RBFOX1: variants seen among roughly 807,000 people sequenced by gnomAD.
The protein encoded by RBFOX1 is RNA binding protein fox-1 homolog 1.
RBFOX1 carries 8 observed loss-of-function variants against 57.7 expected under a neutral mutation model. The ratio of observed to expected loss-of-function variants is 0.14; its 90% CI spans 0.08 to 0.25. RBFOX1 has a LOEUF of 0.25. Among genes scored for constraint, RBFOX1 ranks in the 10% least tolerant of loss-of-function variants. The pLI is 1.00. For synonymous variants in RBFOX1, 326 were observed against 222.4 expected (o/e 1.47, Z -4.15); for missense variants, 611 against 548.5 (o/e 1.11, Z -1.14).
intron 7 of RBFOX1, among the ~76,000 whole-genome samples, chr16:7,592,149 C>A (rs1390237746): frequency 6.6e-6 from 1 of 152,030 alleles, no homozygotes; most frequent in East Asian, 1.9e-4. Context: ...CGAACTTTGT[C>A]AAATCTCAAC....
chr16:6,637,164 A>G (rs1388566377), intron 2 of RBFOX1, among the ~76,000 whole-genome samples: 2 of 84,198 alleles, frequency 2.4e-5, no homozygotes, highest in African/African-American at 5.3e-5. Context: ...TATATATTAT[A>G]TATTATATAT....
intron 11 of RBFOX1, among the ~76,000 whole-genome samples, chr16:7,651,011 T>C (rs988911299): frequency 6.6e-6 from 1 of 152,182 alleles, no homozygotes; most frequent in Non-Finnish European, 1.5e-5. Context: ...GAAACTCAGG[T>C]GCTAGGAGCT....
chr16:7,554,995 G>A (rs2087864457), intron 5 of RBFOX1, among the ~76,000 whole-genome samples: 1 of 152,150 alleles, frequency 6.6e-6, no homozygotes, highest in Non-Finnish European at 1.5e-5. Context: ...TAGCATTTAG[G>A]TAGTATTGCA....
chr16:7,285,674 C>T (rs969678983), intron 4 of RBFOX1, among the ~76,000 whole-genome samples: 2 of 152,030 alleles, frequency 1.3e-5, no homozygotes, highest in Non-Finnish European at 2.9e-5. Context: ...CAACGTAATT[C>T]CCTGGAGACT....
At chr16:6,067,999 G>A (rs377011155) in intron 1 of RBFOX1, among the ~76,000 whole-genome samples, 2 of 152,164 alleles carry the variant, frequency 1.3e-5, no homozygotes, top group African/African-American at 4.8e-5. Context: ...GGAAAACACA[G>A]TCTTTCTATC....
intron 1 of RBFOX1, among the ~76,000 whole-genome samples, chr16:6,242,467 A>G (rs62015135): frequency 0.12 from 18,370 of 151,704 alleles, 1,210 homozygotes; most frequent in Middle Eastern, 0.25. Flanking sequence ...GGCCATAAAT[A>G]ATCCTCCCAC....
At chr16:5,473,937 T>C (rs2069229388) in intron 2 of RBFOX1, among the ~76,000 whole-genome samples, 1 of 93,142 alleles carries the variant, frequency 1.1e-5, no homozygotes, top group Admixed American at 1.5e-4. Flanking sequence ...GGTAGGTAGA[T>C]GGATGGATGG....
At chr16:6,603,803 C>T (rs541736347) in intron 2 of RBFOX1, among the ~76,000 whole-genome samples, 24 of 152,128 alleles carry the variant, frequency 1.6e-4, no homozygotes, top group Non-Finnish European at 3.5e-4. Context: ...TTTTATTTCT[C>T]GTCCTGCTGT....
At chr16:7,101,117 A>C (rs987789756) in intron 4 of RBFOX1, among the ~76,000 whole-genome samples, 8 of 152,180 alleles carry the variant, frequency 5.3e-5, no homozygotes, top group Non-Finnish European at 1.0e-4. Flanking sequence ...TGGTACTTTT[A>C]AGGCACTAAA....
intron 1 of RBFOX1, among the ~76,000 whole-genome samples, chr16:5,248,987 C>CAAAAAAAAAAAAAAAAA (rs56146545): frequency 1.6e-5 from 1 of 63,334 alleles, no homozygotes; most frequent in Non-Finnish European, 2.7e-5. Flanking sequence ...GACTCCATCT[C>CAAAAAAAAAAAAAAAAA]AAAAAAAAAA....
chr16:6,689,353 C>T (rs536648151), intron 3 of RBFOX1, among the ~76,000 whole-genome samples: 1 of 152,094 alleles, frequency 6.6e-6, no homozygotes, highest in African/African-American at 2.4e-5. Flanking sequence ...TAAGTCTTCA[C>T]CTCCACATAT....
rs2072648479 is a variant in RBFOX1 at position 7,504,803 on chromosome 16, T to TA, written c.28-13344_28-13343insA. Among the ~76,000 whole-genome samples the TA allele has an allele frequency of 4.8e-4, 32 of 66,828 alleles. 6 individuals carry two copies. The highest frequency in any genetic ancestry group is 2.6e-3 in the African/African-American group (31 of 11,944). 43.8% of individuals were successfully genotyped at this position (66,828 alleles called of 152,430 possible). A position where few individuals can be genotyped will look rare whatever the true frequency, so the allele number is the denominator to read the frequency against. On this transcript the variant is annotated intron_variant, in intron 4 of 15. Transcript: ENST00000550418. ...TATATATATTTATATATATATATAT[T>TA]TATATATATATATATAGTGACTAAC...
chr16:6,806,482 G>C (rs375303491), intron 3 of RBFOX1, among the ~76,000 whole-genome samples: 1 of 151,946 alleles, frequency 6.6e-6, no homozygotes. Flanking sequence ...AAGTATCTTT[G>C]CTGGGCCTAT....
chr16:5,633,511 C>T (rs1192407510), intron 3 of RBFOX1, among the ~76,000 whole-genome samples: 1 of 152,088 alleles, frequency 6.6e-6, no homozygotes, highest in African/African-American at 2.4e-5. Context: ...GTGTATCCGA[C>T]AAAAGACTGA....
chr16:7,603,418 A>G (rs1424372863), intron 9 of RBFOX1, among the ~76,000 whole-genome samples: 2 of 152,220 alleles, frequency 1.3e-5, no homozygotes, highest in Non-Finnish European at 2.9e-5. Flanking sequence ...ATGGTTATAA[A>G]AGACAAGAGC....
At chr16:6,810,575 T>C (rs57056064) in intron 3 of RBFOX1, among the ~76,000 whole-genome samples, 9,637 of 152,198 alleles carry the variant, frequency 0.063, 396 homozygotes, top group Middle Eastern at 0.092. Context: ...GTTTGTATTA[T>C]GAGTTTCATA....
intron 4 of RBFOX1, among the ~76,000 whole-genome samples, chr16:6,011,157 C>A (rs180676861): frequency 2.0e-5 from 3 of 152,310 alleles, no homozygotes; most frequent in Admixed American, 1.3e-4. Context: ...ATAGAGGGAA[C>A]ATTTTCGCCC....
chr16:7,266,645 C>A (rs534232070), intron 4 of RBFOX1, among the ~76,000 whole-genome samples: 1 of 152,250 alleles, frequency 6.6e-6, no homozygotes, highest in East Asian at 1.9e-4. Context: ...GGGCACACTT[C>A]ACTCCGTAAC....
chr16:6,303,086 T>G (rs76001747), intron 1 of RBFOX1, among the ~76,000 whole-genome samples: 5 of 152,320 alleles, frequency 3.3e-5, no homozygotes, highest in Non-Finnish European at 7.3e-5. Flanking sequence ...CCTTGATCGT[T>G]TTACTATTTC....
Sources: gnomAD v4.1 joint callset for allele counts (sites outside exome capture counted in the v4.1 genomes callset) on GRCh38, gnomAD v4.1.1 for gene constraint, MANE v1.5 for transcripts, NCBI Gene and HGNC (gene_info 2026-07-23, HGNC 2026-07-21) for gene names.